The following STAB2 variants were observed in gnomAD, a reference collection of about 807,000 sequenced individuals.
STAB2 encodes the protein stabilin-2.
Under a neutral mutation model 338.1 loss-of-function variants are expected in STAB2, and 288 were observed. That is an observed-to-expected ratio of 0.85 (90% CI 0.77 to 0.94). The LOEUF is 0.94. Among genes scored for constraint, STAB2 ranks in the 40% least tolerant of loss-of-function variants. The pLI, the probability that STAB2 is intolerant of heterozygous loss-of-function variation, is 0.00. For missense variants in STAB2, 3,141 were observed against 3,210.1 expected (o/e 0.98, Z 0.52); for synonymous variants, 1,202 against 1,193.3 (o/e 1.01, Z -0.15).
intron 62 of STAB2, 65 bp from the exon 63 acceptor site, chr12:103,755,547 C>A: frequency 1.2e-6 from 2 of 1,609,526 alleles, no homozygotes; most frequent in East Asian, 4.5e-5. Context: ...ACTCCCCAAG[C>A]AGAAGCAGTG....
chr12:103,626,753 G>T (rs947554298), intron 5 of STAB2, among the ~76,000 whole-genome samples: 1 of 152,154 alleles, frequency 6.6e-6, no homozygotes, highest in Admixed American at 6.5e-5. Context: ...CCTGTAAGTA[G>T]GACAGCTCTA....
chr12:103,634,949 A>C (rs973760719), intron 6 of STAB2, among the ~76,000 whole-genome samples: 3 of 152,260 alleles, frequency 2.0e-5, no homozygotes, highest in African/African-American at 2.4e-5. Flanking sequence ...TCCTGGACGT[A>C]AAGTGGGGTG....
chr12:103,758,868 T>C lies in STAB2; in HGVS notation c.7108-265T>C, dbSNP rs115007625. Among the ~76,000 whole-genome samples, 1,174 of 152,264 alleles carry C rather than the reference T, an allele frequency of 7.7e-3. 13 individuals are homozygous for C. The highest frequency in any genetic ancestry group is 0.026 in the African/African-American group (1,069 of 41,556). On this transcript the variant is annotated intron_variant, in intron 64 of 68. Coordinates refer to ENST00000388887, the MANE Select transcript of STAB2 (RefSeq NM_017564.10). ...GCCACCTGAGGGCTGAGGAAAGCAATACCTCTGCCTACCTCAAGACACCGC... is the reference window on the plus strand; with the variant it reads ...GCCACCTGAGGGCTGAGGAAAGCAACACCTCTGCCTACCTCAAGACACCGC...
chr12:103,749,752 A>C (rs994430254), intron 59 of STAB2, among the ~76,000 whole-genome samples: 3 of 148,024 alleles, frequency 2.0e-5, no homozygotes, highest in African/African-American at 7.4e-5. Flanking sequence ...AGGCAGGAGA[A>C]TGGCATGAAC....
rs568476680 is a variant in STAB2 at position 103,660,418 on chromosome 12, C to T, written c.1788+34C>T. ...CACTTTTCCTGCTGCTACTTTCTCT[C>T]TGCTTCCAAGATAGCTAACTTAGTC... On this transcript the variant is annotated intron_variant, in intron 16 of 68. Transcript: ENST00000388887. The T allele has an allele frequency of 5.0e-6, 8 of 1,610,776 alleles. No homozygotes were observed. In the East Asian group the frequency reaches 1.6e-4, roughly 31 times the overall value.
At chr12:103,692,142 A>G (rs1221612689) in intron 30 of STAB2, among the ~76,000 whole-genome samples, 1 of 152,182 alleles carries the variant, frequency 6.6e-6, no homozygotes, top group African/African-American at 2.4e-5. Flanking sequence ...GGTTCCTTCT[A>G]AGGCTTTGAG....
chr12:103,757,474 T>C lies in STAB2; in HGVS notation c.6988-696T>C, dbSNP rs140331651. Among the ~76,000 whole-genome samples the C allele has an allele frequency of 1.5e-4, 23 of 152,256 alleles. No individual in the cohort carries two copies. The East Asian group carries it at 4.4e-3, about 29-fold the overall frequency. The stretch of plus-strand genomic sequence containing the variant: ...ACAATAAATGGAACAAACACGTCAA[T>C]AGTATTGAGTGCTAGAAGATGATAG... On this transcript the variant is annotated intron_variant, in intron 63 of 68. Coordinates refer to ENST00000388887, the MANE Select transcript of STAB2 (RefSeq NM_017564.10).
chr12:103,706,880 G>C lies in STAB2; in HGVS notation c.4085G>C (p.Cys1362Ser). 7 of 1,614,262 alleles carry C rather than the reference G, an allele frequency of 4.3e-6. No individual in the cohort carries two copies. Among genetic ancestry groups the C allele is most frequent in the South Asian group, 2.2e-5 (2 of 91,088 alleles). ...AQNVCFGNGICLDGVNGTGVC... is the reference protein window; with the variant it reads ...AQNVCFGNGISLDGVNGTGVC... ...AATGTCTGCTTTGGTAATGGCATCTGTTTGGATGGAGTGAATGGCACAGGT... is the reference window on the plus strand; with the variant it reads ...AATGTCTGCTTTGGTAATGGCATCTCTTTGGATGGAGTGAATGGCACAGGT... The change falls in exon 38 of 69, where the codon TGT (cysteine) becomes TCT (serine). Residue 1362 changes from cysteine (C) to serine (S), a missense_variant. Coordinates refer to ENST00000388887, the MANE Select transcript of STAB2 (RefSeq NM_017564.10).
rs540938224 is a variant in STAB2 at position 103,692,398 on chromosome 12, G to GC, written c.3298-414_3298-413insC. On this transcript the variant is annotated intron_variant, in intron 30 of 68. Coordinates refer to ENST00000388887, the MANE Select transcript of STAB2 (RefSeq NM_017564.10). ...TTCAGTATACAAATTGTGGGGGCAG[G>GC]GGGGGACACAGCTCAACCCACAGTT... 5.9e-5 allele frequency among the ~76,000 whole-genome samples: 9 copies of GC among 152,052 alleles called. No homozygotes were observed. The East Asian group carries it at 1.2e-3, about 20-fold the overall frequency.
At chr12:103,672,671 C>A (rs890287726) in intron 22 of STAB2, among the ~76,000 whole-genome samples, 2 of 152,154 alleles carry the variant, frequency 1.3e-5, no homozygotes, top group African/African-American at 2.4e-5. Flanking sequence ...CCAAGCCCCC[C>A]CAGTCCTTGC....
chr12:103,697,113 ACCT>A (rs902618731), intron 33 of STAB2, among the ~76,000 whole-genome samples: 3 of 151,846 alleles, frequency 2.0e-5, no homozygotes, highest in Non-Finnish European at 4.4e-5. Flanking sequence ...GTCCAGTCCC[ACCT>A]CCTCAGGGAA....
chr12:103,759,878 G>A (rs1884411330), intron 65 of STAB2, among the ~76,000 whole-genome samples: 1 of 152,176 alleles, frequency 6.6e-6, no homozygotes, highest in African/African-American at 2.4e-5. Flanking sequence ...ACCCTCATAT[G>A]GAGAATAGAG....
chr12:103,631,466 TA>T, intron 5 of STAB2, 131 bp from the exon 6 acceptor site: 1 of 759,422 alleles, frequency 1.3e-6, no homozygotes, highest in Non-Finnish European at 2.1e-6. Context: ...CTGGTGCTGA[TA>T]AAAGAGAGAG....
rs191650399 is a variant in STAB2 at position 103,609,241 on chromosome 12, G to T, written c.332-11227G>T. On this transcript the variant is annotated intron_variant, in intron 3 of 68. Transcript: ENST00000388887. The stretch of plus-strand genomic sequence containing the variant: ...CTGTGAAGAAAGTCATTGGTAGCTT[G>T]ATGGGGATGGCATTGAATCTATAAA... Among the ~76,000 whole-genome samples, 896 of 152,330 alleles carry T rather than the reference G, an allele frequency of 5.9e-3. 7 individuals carry two copies. The highest frequency in any genetic ancestry group is 0.021 in the African/African-American group (865 of 41,574).
intron 18 of STAB2, 61 bp downstream of exon 18, chr12:103,663,059 C>T (rs1874762437): frequency 1.9e-6 from 3 of 1,576,706 alleles, no homozygotes; most frequent in Non-Finnish European, 2.6e-6. Flanking sequence ...GAGAGCATCC[C>T]ACTCCTCACA....
intron 31 of STAB2, among the ~76,000 whole-genome samples, chr12:103,694,487 A>G (rs1566021692): frequency 1.3e-5 from 2 of 152,194 alleles, no homozygotes; most frequent in Non-Finnish European, 2.9e-5. Context: ...TGCAGGTCAC[A>G]TGGTCTCCAT....
At chr12:103,759,363 T>C (rs1884375840) in intron 65 of STAB2, 90 bp downstream of exon 65, 12 of 1,517,890 alleles carry the variant, frequency 7.9e-6, no homozygotes, top group Non-Finnish European at 9.7e-6. Context: ...ATGGCAACTA[T>C]TATGCAAACA....
chr12:103,661,217 CAA>C (rs10548393), intron 17 of STAB2, among the ~76,000 whole-genome samples: 1,339 of 106,016 alleles, frequency 0.013, 5 homozygotes, highest in African/African-American at 0.028. Context: ...GAGTTCCAGA[CAA>C]AAAAAAAAAA....
At chr12:103,754,355 G>T (rs1278437314) in intron 61 of STAB2, among the ~76,000 whole-genome samples, 1 of 152,094 alleles carries the variant, frequency 6.6e-6, no homozygotes, top group Non-Finnish European at 1.5e-5. Flanking sequence ...TGGAATAGTA[G>T]ACCACCTGGG....
Sources: allele counts gnomAD v4.1 joint callset (sites outside exome capture counted in the v4.1 genomes callset), GRCh38; gene constraint gnomAD v4.1.1; transcripts MANE v1.5; gene names NCBI Gene and HGNC (gene_info 2026-07-23, HGNC 2026-07-21).